Variants in DPYD observed in about 807,000 individuals in gnomAD.
DPYD encodes dihydropyrimidine dehydrogenase.
In DPYD, 109 loss-of-function variants were observed where a neutral mutation model predicts 116.2. The ratio of observed to expected loss-of-function variants is 0.94; its 90% confidence interval spans 0.80 to 1.10. The LOEUF (loss-of-function observed/expected upper bound fraction) is 1.10. Ranked by LOEUF, DPYD falls within the 50% of genes least tolerant of loss-of-function variation. The pLI, the probability that DPYD is intolerant of heterozygous loss-of-function variation, is 0.00. For missense variants in DPYD, 1,302 were observed against 1,254.5 expected, an observed-to-expected ratio of 1.04 and a Z score of -0.57; for synonymous variants, 440 against 432.0, an observed-to-expected ratio of 1.02 and a Z score of -0.23.
chr1:97,095,222 C>T (rs996311326), intron 21 of DPYD, among the ~76,000 whole-genome samples: 1 of 151,944 alleles, frequency 6.6e-6, no homozygotes, highest in African/African-American at 2.4e-5. Flanking sequence ...CTTATTAGAA[C>T]CTTGTCTAAT....
chr1:97,585,004 T>C (rs1056215903), intron 10 of DPYD, among the ~76,000 whole-genome samples: 4 of 151,180 alleles, frequency 2.6e-5, no homozygotes, highest in African/African-American at 9.7e-5. Context: ...ATTTAAAAGC[T>C]ATCAGAAATA....
chr1:97,801,138 C>A (rs1439322895), intron 3 of DPYD, among the ~76,000 whole-genome samples: 1 of 151,260 alleles, frequency 6.6e-6, no homozygotes, highest in South Asian at 2.1e-4. Context: ...GATGGTGGAG[C>A]CAACATGAAT....
intron 3 of DPYD, among the ~76,000 whole-genome samples, chr1:97,745,875 A>G (rs1405652265): frequency 6.6e-6 from 1 of 151,990 alleles, no homozygotes; most frequent in Non-Finnish European, 1.5e-5. Context: ...TGTTCTAGTG[A>G]CCCCATCTCT....
chr1:97,833,255 C>T (rs948218781), intron 2 of DPYD, among the ~76,000 whole-genome samples: 2 of 151,764 alleles, frequency 1.3e-5, no homozygotes, highest in African/African-American at 4.8e-5. Flanking sequence ...AACAAAGGCT[C>T]GAGTTAATGA....
intron 3 of DPYD, among the ~76,000 whole-genome samples, chr1:97,759,230 C>T (rs1323289523): frequency 3.3e-5 from 5 of 152,154 alleles, no homozygotes; most frequent in Non-Finnish European, 5.9e-5. Context: ...AGAAATATTT[C>T]ACTAAATATC....
chr1:97,636,612 A>T (rs1302657266), intron 8 of DPYD, among the ~76,000 whole-genome samples: 1 of 152,166 alleles, frequency 6.6e-6, no homozygotes, highest in Non-Finnish European at 1.5e-5. Context: ...GACATATAAT[A>T]TGTGAATTAT....
At chr1:97,889,928 G>A (rs891652817) in intron 1 of DPYD, among the ~76,000 whole-genome samples, 4 of 151,918 alleles carry the variant, frequency 2.6e-5, no homozygotes, top group African/African-American at 9.7e-5. Flanking sequence ...AATAGAATTA[G>A]ATATCAATAA....
chr1:97,095,228 C>T (rs1435250157), intron 21 of DPYD, among the ~76,000 whole-genome samples: 1 of 151,998 alleles, frequency 6.6e-6, no homozygotes, highest in African/African-American at 2.4e-5. Flanking sequence ...AGAACCTTGT[C>T]TAATTCATTT....
At chr1:97,814,217 G>C (rs1447778109) in intron 3 of DPYD, among the ~76,000 whole-genome samples, 1 of 152,156 alleles carries the variant, frequency 6.6e-6, no homozygotes, top group Admixed American at 6.5e-5. Context: ...AAGTTTTAGG[G>C]ATGGAAAGAC....
chr1:97,813,803 C>A (rs1260888621), intron 3 of DPYD, among the ~76,000 whole-genome samples: 2 of 152,014 alleles, frequency 1.3e-5, no homozygotes, highest in African/African-American at 2.4e-5. Context: ...TATATAATTT[C>A]ATGATATCTA....
chr1:97,377,598 T>C (rs1671706418), intron 15 of DPYD, among the ~76,000 whole-genome samples: 1 of 152,206 alleles, frequency 6.6e-6, no homozygotes, highest in South Asian at 2.1e-4. Context: ...AACCACTTTA[T>C]AAAAACACCC....
At chr1:97,589,682 A>T (rs961562390) in intron 10 of DPYD, among the ~76,000 whole-genome samples, 17 of 152,216 alleles carry the variant, frequency 1.1e-4, no homozygotes, top group Non-Finnish European at 1.8e-4. Flanking sequence ...AGTAAACTTC[A>T]TATTGTTCTG....
chr1:97,224,070 A>T (rs1037224415), intron 19 of DPYD, among the ~76,000 whole-genome samples: 1 of 152,028 alleles, frequency 6.6e-6, no homozygotes, highest in Non-Finnish European at 1.5e-5. Flanking sequence ...CATATTTCTA[A>T]TTTGCATATT....
In DPYD at chr1:97,803,218, G is replaced by A. The variant is rs758589342; in HGVS notation, c.233+24896C>T. On this transcript the variant is annotated intron_variant, in intron 3 of 22. Transcript: ENST00000370192. ...ACGCACCAGTCAGGAGGAATGCCAC[G>A]ACTCCTGCTGTGCTAAACTTACTGA... Among the ~76,000 whole-genome samples the A allele has an allele frequency of 5.3e-5, 8 of 151,758 alleles. No individual in the cohort carries two copies. The South Asian group carries it at 1.0e-3, about 20-fold the overall frequency.
chr1:97,310,290 G>A (rs962034865), intron 16 of DPYD, among the ~76,000 whole-genome samples: 52 of 151,696 alleles, frequency 3.4e-4, no homozygotes, highest in African/African-American at 1.2e-3. Context: ...AAGAACTGGG[G>A]CCCAGAAGAT....
At chr1:97,288,560 AC>A (rs1665901656) in intron 18 of DPYD, among the ~76,000 whole-genome samples, 1 of 151,858 alleles carries the variant, frequency 6.6e-6, no homozygotes, top group Non-Finnish European at 1.5e-5. Context: ...CTACACGGAA[AC>A]TGAACAATCT....
chr1:97,811,254 A>G (rs1170998119), intron 3 of DPYD, among the ~76,000 whole-genome samples: 1 of 152,062 alleles, frequency 6.6e-6, no homozygotes, highest in African/African-American at 2.4e-5. Flanking sequence ...TGGTTATTTG[A>G]TCAGTGCCAC....
rs372522955 is a variant in DPYD at position 97,135,566 on chromosome 1, A to G, written c.2623-36934T>C. On this transcript the variant is annotated intron_variant, in intron 20 of 22. Coordinates refer to ENST00000370192, the MANE Select transcript of DPYD (RefSeq NM_000110.4). ...AAATTTTATTACCTTTAATGTTTTA[A>G]ATTGGTAAACTACTTTAAAAGACAT... Among the ~76,000 whole-genome samples, 114 of 152,310 alleles carry G rather than the reference A, an allele frequency of 7.5e-4. 1 individual carries two copies. The highest frequency in any genetic ancestry group is 4.1e-3 in the South Asian group (20 of 4,828).
chr1:97,269,747 G>C (rs1464150221), intron 18 of DPYD, among the ~76,000 whole-genome samples: 1 of 151,914 alleles, frequency 6.6e-6, no homozygotes, highest in Non-Finnish European at 1.5e-5. Context: ...CAGCCCTATT[G>C]CATTAGGGAC....
Sources: allele counts gnomAD v4.1 joint callset (sites outside exome capture counted in the v4.1 genomes callset), GRCh38; gene constraint gnomAD v4.1.1; transcripts MANE v1.5; gene names NCBI Gene and HGNC (gene_info 2026-07-23, HGNC 2026-07-21).